COLQ: variants seen among roughly 807,000 people sequenced by gnomAD.
The protein encoded by COLQ is acetylcholinesterase collagenic tail peptide.
COLQ carries 48 observed loss-of-function variants against 69.0 expected under a neutral mutation model. That is an observed-to-expected ratio of 0.70 (90% CI 0.55 to 0.88). COLQ has a LOEUF of 0.88. Among genes scored for constraint, COLQ ranks in the 40% least tolerant of loss-of-function variants. The pLI is 0.00. For synonymous variants in COLQ, 217 were observed against 211.2 expected (o/e 1.03, Z -0.24); for missense variants, 618 against 594.6 (o/e 1.04, Z -0.41).
chr3:15,495,848 G>A (rs2062738424), intron 1 of COLQ, among the ~76,000 whole-genome samples: 1 of 152,176 alleles, frequency 6.6e-6, no homozygotes, highest in South Asian at 2.1e-4. Context: ...GGGTGGAGGA[G>A]GCTGGCAGGT....
intron 1 of COLQ, among the ~76,000 whole-genome samples, chr3:15,502,113 AT>A (rs61521157): frequency 0.26 from 33,381 of 128,138 alleles, 3,440 homozygotes; most frequent in African/African-American, 0.32. Flanking sequence ...ACTTGCACTG[AT>A]TTTTTTTTTT....
rs2062683010 is a variant in COLQ, at chr3:15,492,449, G to A, written c.107-2812C>T. ...TGGGAGGCCAAGGTGGGTGGGTCAC[G>A]AGGTCAGGAGATCGAGACCATCCTG... On this transcript the variant is annotated intron_variant, in intron 1 of 16. Coordinates refer to ENST00000383788, the MANE Select transcript of COLQ (RefSeq NM_005677.4). Among the ~76,000 whole-genome samples the A allele has an allele frequency of 2.6e-5, 4 of 152,128 alleles. No homozygotes were observed. The South Asian group carries it at 6.2e-4, about 24-fold the overall frequency.
intron 3 of COLQ, among the ~76,000 whole-genome samples, chr3:15,483,780 G>A (rs2125130189): frequency 6.6e-6 from 1 of 152,286 alleles, no homozygotes; most frequent in Middle Eastern, 3.4e-3. Context: ...TTAACTTTCT[G>A]TCTCATTGAT....
At chr3:15,507,006 G>C (rs967387950) in intron 1 of COLQ, 1 of 152,140 alleles carries the variant, frequency 6.6e-6, no homozygotes, top group African/African-American at 2.4e-5. Context: ...TTGCTACGTT[G>C]CCTAGGCTGG....
chr3:15,509,690 T>C (rs1430549170), intron 1 of COLQ, among the ~76,000 whole-genome samples: 1 of 152,178 alleles, frequency 6.6e-6, no homozygotes, highest in Non-Finnish European at 1.5e-5. Flanking sequence ...CTTGCAATGA[T>C]GTTATGGATT....
At position 15,451,482 on chromosome 3, in the gene COLQ, C is replaced by T; in HGVS notation, c.*162G>A. 1.3e-6 allele frequency: 1 copy of T among 766,050 alleles called. No individual in the cohort carries two copies. 47.5% of individuals were successfully genotyped at this position (766,050 alleles called of 1,614,324 possible). On this transcript the variant is annotated 3_prime_UTR_variant, in exon 17 of 17. Transcript: ENST00000383788. Reference sequence around the variant, plus strand: ...CAGGATGCAGTGGTCCTAAATTCTTCCAGTCAGACTGAGTTAACAGCATGT... The same window carrying T: ...CAGGATGCAGTGGTCCTAAATTCTTTCAGTCAGACTGAGTTAACAGCATGT...
intron 12 of COLQ, among the ~76,000 whole-genome samples, chr3:15,465,545 C>T (rs1029620088): frequency 1.2e-4 from 18 of 150,066 alleles, no homozygotes; most frequent in South Asian, 4.3e-4. Context: ...GGATTACAGG[C>T]GTGACCCACC....
chr3:15,494,314 C>T (rs67811863), intron 1 of COLQ, among the ~76,000 whole-genome samples: 21,026 of 151,728 alleles, frequency 0.14, 1,982 homozygotes, highest in East Asian at 0.44. Context: ...CAGCAGGGCA[C>T]GGGACAGGAA....
At chr3:15,498,551 T>A in intron 1 of COLQ, 1 of 1,551,884 alleles carries the variant, frequency 6.4e-7, no homozygotes, top group Non-Finnish European at 8.7e-7. Context: ...CCTGAAATGA[T>A]GAGCAGATGA....
In COLQ at chr3:15,451,711, G is replaced by A; in HGVS notation, c.1301C>T (p.Ser434Leu). The change falls in exon 17 of 17, where the codon TCA becomes TTA. Residue 434 changes from serine (S) to leucine (L), a missense_variant and splice_region_variant. By Grantham distance (145) the Ser-to-Leu change is moderately radical. Coordinates refer to ENST00000383788, the MANE Select transcript of COLQ (RefSeq NM_005677.4). The stretch of plus-strand genomic sequence containing the variant: ...CTGGGTGCATTGCAGGTCTCCATAT[G>A]ACCTGAGGGAGGCAAAGACACGTTC... The part of the protein sequence containing the change: ...YLTCETYLPG[S>L]YGDLQCTQYC... 1 of 1,613,874 alleles carries A rather than the reference G, an allele frequency of 6.2e-7. No individual in the cohort carries two copies. Among genetic ancestry groups the A allele is most frequent in the Non-Finnish European group, 8.5e-7 (1 of 1,179,838 alleles).
intron 1 of COLQ, among the ~76,000 whole-genome samples, chr3:15,515,884 C>T (rs1004282366): frequency 6.6e-5 from 10 of 152,166 alleles, no homozygotes; most frequent in Non-Finnish European, 1.2e-4. Context: ...GAAGCCAGAG[C>T]GGCTCTCTGT....
intron 12 of COLQ, among the ~76,000 whole-genome samples, chr3:15,464,141 G>GT (rs2062163040): frequency 1.3e-5 from 2 of 151,932 alleles, no homozygotes; most frequent in Non-Finnish European, 2.9e-5. Context: ...AGGAAGGAGG[G>GT]GTCAGGGATG....
At chr3:15,465,129 G>A (rs1391998022) in intron 12 of COLQ, among the ~76,000 whole-genome samples, 2 of 150,772 alleles carry the variant, frequency 1.3e-5, no homozygotes, top group South Asian at 2.1e-4. Flanking sequence ...AGCCAAGATC[G>A]CACCACTGCA....
intron 12 of COLQ, among the ~76,000 whole-genome samples, chr3:15,461,259 T>C (rs1257224328): frequency 1.4e-5 from 2 of 147,630 alleles, no homozygotes; most frequent in Non-Finnish European, 3.0e-5. Flanking sequence ...CCTTTCCACC[T>C]CCCCCAGCAC....
intron 1 of COLQ, among the ~76,000 whole-genome samples, chr3:15,513,764 TG>T (rs1055084029): frequency 3.1e-4 from 47 of 152,256 alleles, no homozygotes; most frequent in African/African-American, 1.1e-3. Context: ...AAAACACTCG[TG>T]GGTCTGTTTA....
chr3:15,496,088 G>A (rs938774603), intron 1 of COLQ, among the ~76,000 whole-genome samples: 2 of 152,170 alleles, frequency 1.3e-5, no homozygotes, highest in Non-Finnish European at 2.9e-5. Context: ...CACTGATGAA[G>A]GACCTTGTAT....
chr3:15,488,245 C>T lies in COLQ; in HGVS notation c.282G>A (p.Met94Ile), dbSNP rs764250328. ...GCCCAGGGGAGCCTAGCGAGCCTTG[C>T]ATGCACGGGGACTGCGAGGTCTCCA... is the stretch of plus-strand genomic sequence containing the variant. ...LELETSQSPC[M>I]QGSLGSPGPP... The change falls in exon 3 of 17, where the codon ATG becomes ATA. Residue 94 changes from methionine to isoleucine, a missense_variant. Coordinates refer to ENST00000383788, the MANE Select transcript of COLQ (RefSeq NM_005677.4). 16 of 1,613,472 alleles carry T rather than the reference C, an allele frequency of 9.9e-6. No homozygotes were observed. Among genetic ancestry groups the T allele is most frequent in the Middle Eastern group, 1.7e-4 (1 of 6,058 alleles).
At chr3:15,493,038 GAAC>G (rs2062695794) in intron 1 of COLQ, among the ~76,000 whole-genome samples, 1 of 152,170 alleles carries the variant, frequency 6.6e-6, no homozygotes, top group African/African-American at 2.4e-5. Flanking sequence ...AGAAAAACAG[GAAC>G]AACAGGTGGC....
At position 15,474,209 on chromosome 3, in the gene COLQ, G is replaced by T; in HGVS notation, c.600+19C>A. The T allele has an allele frequency of 6.2e-7, 1 of 1,613,658 alleles. No individual in the cohort carries two copies. The highest frequency in any genetic ancestry group is 1.1e-5 in the South Asian group (1 of 91,064). On this transcript the variant is annotated intron_variant, in intron 9 of 16. Coordinates refer to ENST00000383788, the MANE Select transcript of COLQ (RefSeq NM_005677.4). Reference sequence around the variant, plus strand: ...TGCACTGACATTTATCATTTCTATGGAAAGGTTTTCTCCATTACCTTTTCT... The same window carrying T: ...TGCACTGACATTTATCATTTCTATGTAAAGGTTTTCTCCATTACCTTTTCT...
Sources: allele counts gnomAD v4.1 joint callset (sites outside exome capture counted in the v4.1 genomes callset), GRCh38; gene constraint gnomAD v4.1.1; transcripts MANE v1.5; gene names NCBI Gene and HGNC (gene_info 2026-07-23, HGNC 2026-07-21).